Variants in SNAP91 observed in about 807,000 individuals in gnomAD.
The protein encoded by SNAP91 is clathrin coat assembly protein AP180.
SNAP91 carries 27 observed loss-of-function variants against 100.3 expected under a neutral mutation model. That is an observed-to-expected ratio of 0.27 (90% CI 0.20 to 0.37). The LOEUF is 0.37. Ranked by LOEUF, SNAP91 falls within the 10% of genes least tolerant of loss-of-function variation. The pLI is 1.00. For synonymous variants in SNAP91, 404 were observed against 398.6 expected (o/e 1.01, Z -0.16); for missense variants, 986 against 1,123.7 (o/e 0.88, Z 1.75).
chr6:83,650,062 T>A (rs2098132050), intron 7 of SNAP91, among the ~76,000 whole-genome samples: 1 of 152,210 alleles, frequency 6.6e-6, no homozygotes, highest in South Asian at 2.1e-4. Context: ...GAGTTCTACT[T>A]TCTTTTCCAG....
Position 83,707,783 on chromosome 6 carries a change from TAAA to T in SNAP91, c.130+12_130+14del. 6.2e-7 allele frequency: 1 copy of T among 1,612,514 alleles called. No homozygotes were observed. The highest frequency in any genetic ancestry group is 2.2e-5 in the East Asian group (1 of 44,828). On this transcript the variant is annotated intron_variant, in intron 2 of 29. Transcript: ENST00000369694. ...CTGCCGTGCGCATGTCCCTCTTATA[TAAA>T]GAGATGCTTACAGTCCAGGTGCTTT...
At chr6:83,606,842 A>G (rs2095646595) in intron 13 of SNAP91, among the ~76,000 whole-genome samples, 1 of 152,236 alleles carries the variant, frequency 6.6e-6, no homozygotes, top group Non-Finnish European at 1.5e-5. Flanking sequence ...AAAGGAATAC[A>G]TATTTATTAT....
chr6:83,707,278 A>ACC (rs956930790), intron 2 of SNAP91, among the ~76,000 whole-genome samples: 5 of 152,136 alleles, frequency 3.3e-5, no homozygotes, highest in African/African-American at 1.2e-4. Flanking sequence ...ACACACACAC[A>ACC]CCCATACTCA....
At position 83,692,963 on chromosome 6, in the gene SNAP91, C is replaced by A. The variant is rs139265773; in HGVS notation, c.130+14835G>T. Among the ~76,000 whole-genome samples the A allele has an allele frequency of 1.8e-3, 275 of 152,208 alleles. 1 individual carries two copies. The highest frequency in any genetic ancestry group is 5.7e-3 in the African/African-American group (238 of 41,512). ...GTGTTTTTGTTTTTTGTTTTTGAGACAGGGTCTCACTATGTTGCCCATGCT... is the reference window on the plus strand; with the variant it reads ...GTGTTTTTGTTTTTTGTTTTTGAGAAAGGGTCTCACTATGTTGCCCATGCT... On this transcript the variant is annotated intron_variant, in intron 2 of 29. Coordinates refer to ENST00000369694, the MANE Select transcript of SNAP91 (RefSeq NM_001242792.2).
chr6:83,622,055 C>T (rs1008853778), intron 9 of SNAP91, among the ~76,000 whole-genome samples: 1 of 152,002 alleles, frequency 6.6e-6, no homozygotes, highest in Non-Finnish European at 1.5e-5. Context: ...TTTAGTGGCA[C>T]TTTATGCACA....
chr6:83,558,863 G>A (rs1782822889), intron 28 of SNAP91, among the ~76,000 whole-genome samples: 1 of 152,122 alleles, frequency 6.6e-6, no homozygotes, highest in African/African-American at 2.4e-5. Flanking sequence ...GGTTCTACAT[G>A]TAACATCACC....
chr6:83,690,458 G>T, intron 2 of SNAP91: 2 of 1,237,892 alleles, frequency 1.6e-6, no homozygotes, highest in Non-Finnish European at 2.1e-6. Flanking sequence ...ATGCAGCTCA[G>T]TTACACATTA....
intron 26 of SNAP91, among the ~76,000 whole-genome samples, chr6:83,568,384 T>C (rs968799719): frequency 6.6e-6 from 1 of 152,034 alleles, no homozygotes; most frequent in African/African-American, 2.4e-5. Flanking sequence ...TTAGGAGATA[T>C]ACCTAATGTA....
intron 9 of SNAP91, among the ~76,000 whole-genome samples, chr6:83,619,547 C>T (rs2096631540): frequency 6.6e-6 from 1 of 152,036 alleles, no homozygotes; most frequent in African/African-American, 2.4e-5. Context: ...GTCAATAGAC[C>T]AATCAGATGG....
chr6:83,693,026 C>T (rs1054432711), intron 2 of SNAP91, among the ~76,000 whole-genome samples: 15 of 152,152 alleles, frequency 9.9e-5, no homozygotes, highest in Admixed American at 9.8e-4. Context: ...GCTGGGATTA[C>T]AAATGTGTAC....
intron 8 of SNAP91, among the ~76,000 whole-genome samples, chr6:83,628,489 T>A (rs1181658159): frequency 6.6e-6 from 1 of 151,830 alleles, no homozygotes; most frequent in Non-Finnish European, 1.5e-5. Flanking sequence ...TGTAGAAGTG[T>A]TCCCTGATCA....
At chr6:83,674,791 T>A (rs1308098107) in intron 2 of SNAP91, among the ~76,000 whole-genome samples, 4 of 152,182 alleles carry the variant, frequency 2.6e-5, no homozygotes, top group Non-Finnish European at 5.9e-5. Flanking sequence ...AATGAAGACC[T>A]AACAATGTGA....
At chr6:83,649,624 C>T (rs1293436620) in intron 7 of SNAP91, among the ~76,000 whole-genome samples, 1 of 152,038 alleles carries the variant, frequency 6.6e-6, no homozygotes, top group Non-Finnish European at 1.5e-5. Flanking sequence ...CTTTGTTGCC[C>T]AGGCTGGAGT....
At chr6:83,583,328 CTTCTT>C (rs1343746260) in intron 22 of SNAP91, among the ~76,000 whole-genome samples, 7 of 152,164 alleles carry the variant, frequency 4.6e-5, no homozygotes, top group African/African-American at 1.4e-4. Flanking sequence ...GGAACTGTGT[CTTCTT>C]TTCATGTTTT....
intron 6 of SNAP91, among the ~76,000 whole-genome samples, 185 bp from the exon 7 acceptor site, chr6:83,657,050 T>C (rs2098423799): frequency 6.6e-6 from 1 of 152,226 alleles, no homozygotes; most frequent in Non-Finnish European, 1.5e-5. Context: ...TCAATTTAAG[T>C]CAATGAGGTT....
At chr6:83,605,622 C>G in intron 14 of SNAP91, 63 bp downstream of exon 14, 2 of 1,542,038 alleles carry the variant, frequency 1.3e-6, no homozygotes, top group Non-Finnish European at 8.7e-7. Context: ...ACAATTATAG[C>G]CTAAGTAAAA....
At chr6:83,638,108 C>G (rs1042798442) in intron 8 of SNAP91, among the ~76,000 whole-genome samples, 5 of 152,194 alleles carry the variant, frequency 3.3e-5, no homozygotes, top group African/African-American at 1.2e-4. Context: ...AGAACAGGAA[C>G]TGCAGAGCAA....
At chr6:83,598,733 G>T (rs780115982) in intron 16 of SNAP91, among the ~76,000 whole-genome samples, 18 of 151,910 alleles carry the variant, frequency 1.2e-4, no homozygotes, top group Non-Finnish European at 1.8e-4. Context: ...ACACAAAATG[G>T]CCAAAGAGAT....
intron 2 of SNAP91, among the ~76,000 whole-genome samples, chr6:83,702,744 T>C (rs1477664160): frequency 2.0e-5 from 3 of 152,066 alleles, no homozygotes; most frequent in Non-Finnish European, 4.4e-5. Flanking sequence ...CCAAATATAT[T>C]TAACATTATA....
Sources: allele counts gnomAD v4.1 joint callset (sites outside exome capture counted in the v4.1 genomes callset), GRCh38; gene constraint gnomAD v4.1.1; transcripts MANE v1.5; gene names NCBI Gene and HGNC (gene_info 2026-07-23, HGNC 2026-07-21).